MAML2: variants seen among roughly 807,000 people sequenced by gnomAD.
MAML2 encodes mastermind-like protein 2.
Under a neutral mutation model 96.1 loss-of-function variants are expected in MAML2, and 22 were observed. The ratio of observed to expected loss-of-function variants is 0.23; its 90% CI spans 0.16 to 0.33. The LOEUF is 0.33. MAML2 is among the 10% of genes least tolerant of loss of function. The pLI is 1.00. For synonymous variants in MAML2, 561 were observed against 521.3 expected (o/e 1.08, Z -1.04); for missense variants, 1,367 against 1,392.4 (o/e 0.98, Z 0.29).
intron 1 of MAML2, among the ~76,000 whole-genome samples, chr11:96,270,095 G>A (rs1815377381): frequency 1.4e-5 from 2 of 143,718 alleles, no homozygotes; most frequent in Non-Finnish European, 3.0e-5. Flanking sequence ...CTGAGCTCTT[G>A]ATCTTTTCCT....
chr11:96,048,532 A>G (rs1858942481), intron 2 of MAML2, among the ~76,000 whole-genome samples: 1 of 152,158 alleles, frequency 6.6e-6, no homozygotes, highest in Non-Finnish European at 1.5e-5. Context: ...TAGGTAATTA[A>G]ATTTATGTGG....
chr11:95,984,496 C>G (rs1198036528), intron 4 of MAML2, among the ~76,000 whole-genome samples: 1 of 152,162 alleles, frequency 6.6e-6, no homozygotes, highest in Non-Finnish European at 1.5e-5. Flanking sequence ...ATATGTTGCC[C>G]AGGCTGGCCT....
intron 1 of MAML2, among the ~76,000 whole-genome samples, chr11:96,122,303 AT>A (rs111647397): frequency 3.6e-3 from 518 of 145,344 alleles, no homozygotes; most frequent in African/African-American, 4.6e-3. Context: ...AAACCTGCAG[AT>A]TTTTTTTTTT....
chr11:96,238,515 G>A (rs1289070495), intron 1 of MAML2, among the ~76,000 whole-genome samples: 7 of 152,222 alleles, frequency 4.6e-5, no homozygotes, highest in Non-Finnish European at 7.3e-5. Context: ...TCCCATGATT[G>A]CTATGGTTTT....
intron 1 of MAML2, among the ~76,000 whole-genome samples, chr11:96,124,439 T>C (rs537069694): frequency 1.3e-5 from 2 of 152,330 alleles, no homozygotes; most frequent in African/African-American, 4.8e-5. Flanking sequence ...AATAGAAAGA[T>C]AGTCTGATCC....
chr11:96,114,376 G>A (rs1397943328), intron 1 of MAML2, among the ~76,000 whole-genome samples: 1 of 152,142 alleles, frequency 6.6e-6, no homozygotes, highest in African/African-American at 2.4e-5. Context: ...TAATTTCATC[G>A]TTTGATCCTA....
intron 1 of MAML2, among the ~76,000 whole-genome samples, chr11:96,257,647 C>A (rs1212333258): frequency 6.6e-6 from 1 of 152,076 alleles, no homozygotes; most frequent in African/African-American, 2.4e-5. Flanking sequence ...TGATGGCAAC[C>A]CCCTTTTTAT....
chr11:96,164,031 T>G (rs1393163957), intron 1 of MAML2, among the ~76,000 whole-genome samples: 3 of 151,100 alleles, frequency 2.0e-5, no homozygotes, highest in Admixed American at 2.0e-4. Flanking sequence ...TGGCTATTTT[T>G]TTTTGTTTTT....
At chr11:96,070,169 A>C (rs957494956) in intron 2 of MAML2, among the ~76,000 whole-genome samples, 1 of 152,130 alleles carries the variant, frequency 6.6e-6, no homozygotes, top group African/African-American at 2.4e-5. Context: ...GGGCGCCTGT[A>C]GTCCCAGCTA....
chr11:96,141,034 A>T (rs1860722244), intron 1 of MAML2, among the ~76,000 whole-genome samples: 1 of 152,196 alleles, frequency 6.6e-6, no homozygotes, highest in African/African-American at 2.4e-5. Flanking sequence ...AGTATGTCTC[A>T]TGTAATATTT....
chr11:96,167,313 T>C (rs1031690536), intron 1 of MAML2, among the ~76,000 whole-genome samples: 3 of 141,958 alleles, frequency 2.1e-5, no homozygotes, highest in Admixed American at 7.1e-5. Context: ...ACCTTCCAAA[T>C]CTCTTGCTCT....
chr11:95,994,175 G>A (rs556924869), intron 2 of MAML2, among the ~76,000 whole-genome samples: 108 of 152,300 alleles, frequency 7.1e-4, no homozygotes, highest in Non-Finnish European at 2.2e-4. Flanking sequence ...AGGTCAGGAA[G>A]GTGGAAAGAA....
At chr11:96,298,165 C>A (rs1863328793) in intron 1 of MAML2, among the ~76,000 whole-genome samples, 1 of 152,192 alleles carries the variant, frequency 6.6e-6, no homozygotes, top group Non-Finnish European at 1.5e-5. Context: ...AGCAGCATAG[C>A]TTTTCTGCAA....
intron 2 of MAML2, among the ~76,000 whole-genome samples, chr11:96,068,052 C>T (rs887639492): frequency 1.3e-5 from 2 of 152,176 alleles, no homozygotes; most frequent in African/African-American, 4.8e-5. Context: ...AAAAATCCCT[C>T]ACCCACTGAC....
intron 2 of MAML2, among the ~76,000 whole-genome samples, chr11:96,091,603 A>C (rs545272426): frequency 2.0e-5 from 3 of 152,252 alleles, no homozygotes; most frequent in African/African-American, 7.2e-5. Context: ...CTGATTGACA[A>C]CTGGATATGT....
intron 2 of MAML2, among the ~76,000 whole-genome samples, chr11:96,067,752 C>T (rs980480255): frequency 2.6e-4 from 39 of 152,280 alleles, no homozygotes; most frequent in Admixed American, 1.9e-3. Flanking sequence ...GACATGACAA[C>T]GCATATCCGT....
At chr11:96,191,270 C>G (rs1861649293) in intron 1 of MAML2, among the ~76,000 whole-genome samples, 1 of 151,800 alleles carries the variant, frequency 6.6e-6, no homozygotes, top group South Asian at 2.1e-4. Context: ...TTGAGACAAT[C>G]CTGACCAACA....
chr11:96,016,543 G>A (rs938415682), intron 2 of MAML2, among the ~76,000 whole-genome samples: 4 of 152,088 alleles, frequency 2.6e-5, no homozygotes, highest in Admixed American at 2.6e-4. Flanking sequence ...AAGTTTGAAG[G>A]GAGCACATAC....
At chr11:96,254,439 G>A (rs1045862275) in intron 1 of MAML2, among the ~76,000 whole-genome samples, 3 of 146,004 alleles carry the variant, frequency 2.1e-5, no homozygotes, top group Admixed American at 7.0e-5. Flanking sequence ...GCTCTTAATA[G>A]TAGGGCTAGT....
Sources: allele counts gnomAD v4.1 joint callset (sites outside exome capture counted in the v4.1 genomes callset), GRCh38; gene constraint gnomAD v4.1.1; transcripts MANE v1.5; gene names NCBI Gene and HGNC (gene_info 2026-07-23, HGNC 2026-07-21).